The following RIC8B variants were observed in gnomAD, a reference collection of about 807,000 sequenced individuals.
RIC8B encodes chaperone Ric-8B.
In RIC8B, 16 loss-of-function variants were observed where a neutral mutation model predicts 57.5. That is an observed-to-expected ratio of 0.28 (90% CI 0.19 to 0.42). The LOEUF (loss-of-function observed/expected upper bound fraction) is 0.42. Among genes scored for constraint, RIC8B ranks in the 10% least tolerant of loss-of-function variants. The probability of loss-of-function intolerance (pLI) is 1.00; values close to 1 mark genes in which losing one functional copy is unlikely to be tolerated. For synonymous variants in RIC8B, 216 were observed against 250.8 expected (o/e 0.86, Z 1.31); for missense variants, 481 against 677.0 (o/e 0.71, Z 3.21).
chr12:106,888,067 T>A lies in RIC8B; in HGVS notation c.*2052T>A, dbSNP rs1469478645. 1.3e-5 allele frequency: 2 copies of A among 152,672 alleles called. No individual in the cohort carries two copies. Among genetic ancestry groups the A allele is most frequent in the African/African-American group, 2.4e-5 (1 of 41,468 alleles). The allele number at this position is 152,672 out of a possible 1,614,324, so 9.5% of individuals were successfully genotyped here. A position where few individuals can be genotyped will look rare whatever the true frequency, so the allele number is the denominator to read the frequency against. On this transcript the variant is annotated 3_prime_UTR_variant, in exon 10 of 10. Coordinates refer to ENST00000392837, the MANE Select transcript of RIC8B (RefSeq NM_001330145.2). The stretch of plus-strand genomic sequence containing the variant: ...TTTTGTTATTCTACAAATGCATTTT[T>A]AAAGTATTTTTATAATTTCTATAAT...
intron 2 of RIC8B, among the ~76,000 whole-genome samples, chr12:106,799,552 C>T (rs138194688): frequency 2.6e-5 from 4 of 152,236 alleles, no homozygotes; most frequent in African/African-American, 9.6e-5. Context: ...AATTAAGTCA[C>T]GTAAAAGATG....
At chr12:106,845,535 G>C (rs528425381) in intron 6 of RIC8B, among the ~76,000 whole-genome samples, 1 of 152,040 alleles carries the variant, frequency 6.6e-6, no homozygotes, top group Non-Finnish European at 1.5e-5. Context: ...ATTTGTCCTG[G>C]ATCTCTTTCT....
intron 1 of RIC8B, among the ~76,000 whole-genome samples, chr12:106,778,231 G>A (rs755589153): frequency 1.3e-5 from 2 of 152,126 alleles, no homozygotes; most frequent in South Asian, 2.1e-4. Context: ...ACCTTGTACC[G>A]CTTTTAGAGA....
Position 106,887,111 on chromosome 12 carries a change from C to G in RIC8B, c.*1096C>G, listed in dbSNP as rs1010191064. ...GAAGAAGTAGAAAGTGAGTCATGCA[C>G]TAGACAGTGGGCCTAGCTCATCAGT... On this transcript the variant is annotated 3_prime_UTR_variant, in exon 10 of 10. Transcript: ENST00000392837. 1 of 152,486 alleles carries G rather than the reference C, an allele frequency of 6.6e-6. No homozygotes were observed. The highest frequency in any genetic ancestry group is 2.4e-5 in the African/African-American group (1 of 41,400). The allele number at this position is 152,486 out of a possible 1,614,324, so 9.4% of individuals were successfully genotyped here. A position where few individuals can be genotyped will look rare whatever the true frequency, so the allele number is the denominator to read the frequency against.
chr12:106,868,725 G>T (rs1950244841), intron 8 of RIC8B, among the ~76,000 whole-genome samples: 1 of 143,744 alleles, frequency 7.0e-6, no homozygotes, highest in Admixed American at 7.1e-5. Flanking sequence ...CCTGATAAAA[G>T]AGGAAATAGC....
At chr12:106,853,555 G>A (rs1250235217) in intron 7 of RIC8B, among the ~76,000 whole-genome samples, 1 of 126,492 alleles carries the variant, frequency 7.9e-6, no homozygotes, top group Non-Finnish European at 1.6e-5. Flanking sequence ...TGCAACCTCC[G>A]CCTCCCAGGT....
chr12:106,812,212 G>C (rs1349002945), intron 2 of RIC8B, among the ~76,000 whole-genome samples: 1 of 152,044 alleles, frequency 6.6e-6, no homozygotes, highest in African/African-American at 2.4e-5. Context: ...ATTAAAAACT[G>C]TGCAAAAAAA....
Position 106,886,054 on chromosome 12 carries a change from CATCTTTTCTCTGTAGCTCCAGGGGA to C in RIC8B, c.*51_*75del, listed in dbSNP as rs769705535. The C allele has an allele frequency of 2.3e-5, 31 of 1,363,022 alleles. No homozygotes were observed. Among genetic ancestry groups the C allele is most frequent in the African/African-American group, 2.0e-4 (14 of 69,910 alleles). 84.4% of individuals were successfully genotyped at this position (1,363,022 alleles called of 1,614,324 possible). Reference sequence around the variant, plus strand: ...TCAACTCTCAATATTGCTTTATCAGCATCTTTTCTCTGTAGCTCCAGGGGAATCTTTTCTCTAAAACATTTATGCC... The same window carrying C: ...TCAACTCTCAATATTGCTTTATCAGCATCTTTTCTCTAAAACATTTATGCC... On this transcript the variant is annotated 3_prime_UTR_variant, in exon 10 of 10. Transcript: ENST00000392837.
In RIC8B at chr12:106,815,016, C is replaced by T. The variant is rs2045507497; in HGVS notation, c.453C>T (p.Cys151=). 6.2e-7 allele frequency: 1 copy of T among 1,614,078 alleles called. No homozygotes were observed. Residue 151 remains cysteine, a synonymous_variant, in exon 3 of 10, where the codon TGC becomes TGT. Coordinates refer to ENST00000392837, the MANE Select transcript of RIC8B (RefSeq NM_001330145.2). ...AAKLCNLLRK[C]KDRKFINDIK... ...AGCTCTGTAACCTCCTGAGAAAGTG[C>T]AAGGACCGGAAATTTATCAATGACA... is the stretch of plus-strand genomic sequence containing the variant.
chr12:106,827,516 A>G (rs966026979), intron 4 of RIC8B, among the ~76,000 whole-genome samples: 5 of 152,234 alleles, frequency 3.3e-5, no homozygotes, highest in African/African-American at 7.2e-5. Context: ...ATATTATTTT[A>G]GTTATGATCA....
chr12:106,853,671 A>G (rs563866905), intron 7 of RIC8B, among the ~76,000 whole-genome samples: 1 of 151,366 alleles, frequency 6.6e-6, no homozygotes, highest in African/African-American at 2.4e-5. Context: ...GTTTCACCAT[A>G]TTGGCCAGGA....
In RIC8B at chr12:106,831,814, G is replaced by T. The variant is rs186199629; in HGVS notation, c.836+5994G>T. ...TGTATTGGATGAATCCATGGAATTG[G>T]ATCTGAGGCATTGGCCTTCACCTTG... On this transcript the variant is annotated intron_variant, in intron 4 of 9. Coordinates refer to ENST00000392837, the MANE Select transcript of RIC8B (RefSeq NM_001330145.2). Among the ~76,000 whole-genome samples, 23 of 152,268 alleles carry T rather than the reference G, an allele frequency of 1.5e-4. No individual in the cohort carries two copies. The East Asian group carries it at 4.4e-3, about 29-fold the overall frequency.
At chr12:106,885,115 GATTA>G (rs1951116093) in intron 9 of RIC8B, among the ~76,000 whole-genome samples, 2 of 152,190 alleles carry the variant, frequency 1.3e-5, no homozygotes, top group Non-Finnish European at 2.9e-5. Flanking sequence ...CCTATGAAAA[GATTA>G]AATAAATCTT....
At chr12:106,835,980 C>T (rs994595960) in intron 4 of RIC8B, among the ~76,000 whole-genome samples, 3 of 152,216 alleles carry the variant, frequency 2.0e-5, no homozygotes, top group African/African-American at 7.2e-5. Flanking sequence ...GATTCCTCTA[C>T]TGTTCTTTTG....
intron 4 of RIC8B, among the ~76,000 whole-genome samples, chr12:106,835,329 T>A (rs1416910892): frequency 6.6e-6 from 1 of 152,194 alleles, no homozygotes; most frequent in East Asian, 1.9e-4. Flanking sequence ...ATCATTTGCT[T>A]TAGGTTTAGG....
chr12:106,869,385 G>T (rs977366989), intron 8 of RIC8B, among the ~76,000 whole-genome samples: 3 of 152,118 alleles, frequency 2.0e-5, no homozygotes, highest in Non-Finnish European at 4.4e-5. Context: ...TCTCAAAGAC[G>T]GGTTGCAAGC....
At position 106,825,722 on chromosome 12, in the gene RIC8B, A is replaced by G. The variant is rs769194054; in HGVS notation, c.742-4A>G. ...ATGTTTCCTCTCTTTTTTATTTGCC[A>G]TAGAGTGATTCTCATCAGTTCCGTG... On this transcript the variant is annotated splice_polypyrimidine_tract_variant and splice_region_variant and intron_variant, in intron 3 of 9. Coordinates refer to ENST00000392837, the MANE Select transcript of RIC8B (RefSeq NM_001330145.2). The G allele has an allele frequency of 1.9e-5, 31 of 1,610,734 alleles. No homozygotes were observed. Among genetic ancestry groups the G allele is most frequent in the Non-Finnish European group, 2.5e-5 (30 of 1,177,130 alleles).
chr12:106,837,376 A>T (rs1593260602), intron 4 of RIC8B, among the ~76,000 whole-genome samples: 2 of 152,084 alleles, frequency 1.3e-5, no homozygotes, highest in South Asian at 4.1e-4. Context: ...AAAAAAAAGT[A>T]TAACCCATAC....
chr12:106,854,944 A>G (rs939116556), intron 7 of RIC8B, among the ~76,000 whole-genome samples: 2 of 152,228 alleles, frequency 1.3e-5, no homozygotes, highest in African/African-American at 4.8e-5. Context: ...TACTCATGCC[A>G]TTAACTTGTT....
Sources: allele counts gnomAD v4.1 joint callset (sites outside exome capture counted in the v4.1 genomes callset), GRCh38; gene constraint gnomAD v4.1.1; transcripts MANE v1.5; gene names NCBI Gene and HGNC (gene_info 2026-07-23, HGNC 2026-07-21).